Variants in NXN observed in about 807,000 individuals in gnomAD.
NXN encodes nucleoredoxin.
In NXN, 16 loss-of-function variants were observed where a neutral mutation model predicts 48.6. The observed-to-expected ratio is 0.33, with a 90% CI of 0.22 to 0.50. The LOEUF (loss-of-function observed/expected upper bound fraction) is 0.50, where lower values mean the gene tolerates loss of function less well. NXN is among the 20% of genes least tolerant of loss of function. NXN has a pLI of 0.98. For missense variants in NXN, 492 were observed against 605.5 expected, an observed-to-expected ratio of 0.81 and a Z score of 1.97; for synonymous variants, 281 against 269.6, an observed-to-expected ratio of 1.04 and a Z score of -0.41.
At position 874,945 on chromosome 17, in the gene NXN, A is replaced by C. The variant is rs114560939; in HGVS notation, c.361-48867T>G. On this transcript the variant is annotated intron_variant, in intron 1 of 7. Coordinates refer to ENST00000336868, the MANE Select transcript of NXN (RefSeq NM_022463.5). ...AAGAACAATTTCAAAGAAACATATC[A>C]ACAGTGCAATTATAGAACACCATTT... 4.0e-3 allele frequency among the ~76,000 whole-genome samples: 617 copies of C among 152,348 alleles called. 1 individual carries two copies. Among genetic ancestry groups the C allele is most frequent in the African/African-American group, 0.014 (585 of 41,582 alleles).
chr17:803,330 G>A (rs1055354161), intron 7 of NXN, among the ~76,000 whole-genome samples: 3 of 152,214 alleles, frequency 2.0e-5, no homozygotes, highest in African/African-American at 7.2e-5. Flanking sequence ...GCGGAGGCAC[G>A]AACCCAGCAT....
At chr17:858,456 G>A (rs148074269) in intron 1 of NXN, among the ~76,000 whole-genome samples, 1,578 of 152,226 alleles carry the variant, frequency 0.01, 29 homozygotes, top group African/African-American at 0.036. Context: ...GGCTGGGCGC[G>A]GTGGCTCACG....
At chr17:915,186 A>T (rs1241532324) in intron 1 of NXN, among the ~76,000 whole-genome samples, 1 of 152,184 alleles carries the variant, frequency 6.6e-6, no homozygotes, top group Non-Finnish European at 1.5e-5. Context: ...GGTCCACCTC[A>T]GCCTCCAAAA....
At chr17:850,653 G>A (rs1393381267) in intron 1 of NXN, among the ~76,000 whole-genome samples, 12 of 152,196 alleles carry the variant, frequency 7.9e-5, no homozygotes, top group Admixed American at 6.5e-4. Context: ...GGGGCCCCGG[G>A]AGCTGAGTCA....
intron 1 of NXN, among the ~76,000 whole-genome samples, chr17:897,821 G>A (rs1021972272): frequency 3.3e-5 from 5 of 152,116 alleles, no homozygotes; most frequent in Non-Finnish European, 7.4e-5. Flanking sequence ...GACTACAGGT[G>A]CCCGCCACCA....
chr17:889,744 AAAGAAAGAAAGAAAGAAAAAGAAAG>A (rs2068392915), intron 1 of NXN, among the ~76,000 whole-genome samples: 1 of 57,062 alleles, frequency 1.8e-5, no homozygotes, highest in African/African-American at 9.2e-5. Flanking sequence ...AGAAAGAAAG[AAAGAAAGAAAGAAAGAAAAAGAAAG>A]AAAGAAAAGA....
At chr17:868,770 G>A (rs982664517) in intron 1 of NXN, among the ~76,000 whole-genome samples, 6 of 152,190 alleles carry the variant, frequency 3.9e-5, no homozygotes, top group Admixed American at 1.3e-4. Flanking sequence ...GGGATGACAG[G>A]CGTGAGCCAC....
chr17:812,610 G>A (rs536993265), intron 5 of NXN, among the ~76,000 whole-genome samples: 92 of 144,648 alleles, frequency 6.4e-4, no homozygotes, highest in African/African-American at 2.5e-3. Flanking sequence ...AGTGTGCATT[G>A]TGTGAGTGTA....
At chr17:963,580 T>A (rs769554456) in intron 1 of NXN, among the ~76,000 whole-genome samples, 1 of 151,102 alleles carries the variant, frequency 6.6e-6, no homozygotes, top group Non-Finnish European at 1.5e-5. Flanking sequence ...CCACCCTGGG[T>A]GACAGAACAA....
chr17:827,450 T>G lies in NXN; in HGVS notation c.361-1372A>C, dbSNP rs549292025. ...ATCCTGGCTAACACGGTGAAACCCCTTCTCTACTAAAAATTACAAAAAATT... is the reference window on the plus strand; with the variant it reads ...ATCCTGGCTAACACGGTGAAACCCCGTCTCTACTAAAAATTACAAAAAATT... On this transcript the variant is annotated intron_variant, in intron 1 of 7. Transcript: ENST00000336868. 2.0e-3 allele frequency among the ~76,000 whole-genome samples: 300 copies of G among 151,984 alleles called. 3 individuals are homozygous for G. Among genetic ancestry groups the G allele is most frequent in the African/African-American group, 6.7e-3 (279 of 41,464 alleles).
In NXN at chr17:837,552, C is replaced by G. The variant is rs73975563; in HGVS notation, c.361-11474G>C. Among the ~76,000 whole-genome samples, 1,384 of 152,336 alleles carry G rather than the reference C, an allele frequency of 9.1e-3. 22 individuals are homozygous for G. The highest frequency in any genetic ancestry group is 0.031 in the African/African-American group (1,280 of 41,572). On this transcript the variant is annotated intron_variant, in intron 1 of 7. Coordinates refer to ENST00000336868, the MANE Select transcript of NXN (RefSeq NM_022463.5). ...CAGAACAGATGCCCCCTAATCAGTC[C>G]AGCTCAGCTACTTAATGGCTTTTTC...
chr17:843,289 G>A (rs1597655872), intron 1 of NXN, among the ~76,000 whole-genome samples: 1 of 152,248 alleles, frequency 6.6e-6, no homozygotes, highest in South Asian at 2.1e-4. Flanking sequence ...CACCAATTAA[G>A]GAGGTTCATT....
chr17:856,644 C>T (rs2067989594), intron 1 of NXN, among the ~76,000 whole-genome samples: 1 of 152,010 alleles, frequency 6.6e-6, no homozygotes, highest in African/African-American at 2.4e-5. Context: ...GCACCCACCA[C>T]CATGCTCAGC....
intron 1 of NXN, among the ~76,000 whole-genome samples, chr17:947,818 G>C (rs535092322): frequency 1.2e-4 from 18 of 146,468 alleles, no homozygotes; most frequent in South Asian, 4.3e-4. Flanking sequence ...CGAGCTGACT[G>C]TCTTGAGCTC....
chr17:963,258 A>C (rs558318025), intron 1 of NXN, among the ~76,000 whole-genome samples: 1 of 142,902 alleles, frequency 7.0e-6, no homozygotes, highest in Non-Finnish European at 1.5e-5. Context: ...ATTTTATTTG[A>C]AATTTTTTTT....
At chr17:821,430 T>C (rs1480487926) in intron 4 of NXN, among the ~76,000 whole-genome samples, 1 of 78,324 alleles carries the variant, frequency 1.3e-5, no homozygotes, top group Non-Finnish European at 2.4e-5. Context: ...TACATTCAAA[T>C]AGCACCAGAC....
intron 1 of NXN, among the ~76,000 whole-genome samples, chr17:865,957 T>G (rs1029930404): frequency 6.6e-6 from 1 of 151,798 alleles, no homozygotes; most frequent in Non-Finnish European, 1.5e-5. Flanking sequence ...CACTCCAGCC[T>G]GGGCGACAGA....
intron 1 of NXN, among the ~76,000 whole-genome samples, chr17:931,111 GC>G (rs2068848754): frequency 6.6e-6 from 1 of 152,060 alleles, no homozygotes; most frequent in Non-Finnish European, 1.5e-5. Flanking sequence ...CTCTAGCCTA[GC>G]AGAAAACCAA....
At chr17:955,311 G>C (rs932521081) in intron 1 of NXN, among the ~76,000 whole-genome samples, 1 of 151,846 alleles carries the variant, frequency 6.6e-6, no homozygotes, top group Non-Finnish European at 1.5e-5. Flanking sequence ...GGGATTACAG[G>C]CATGCGCCAC....
Sources: gnomAD v4.1 joint callset for allele counts (sites outside exome capture counted in the v4.1 genomes callset) on GRCh38, gnomAD v4.1.1 for gene constraint, MANE v1.5 for transcripts, NCBI Gene and HGNC (gene_info 2026-07-23, HGNC 2026-07-21) for gene names.